The following AP4S1 variants were observed in gnomAD, a reference collection of about 807,000 sequenced individuals.
The protein encoded by AP4S1 is AP-4 complex subunit sigma-1.
Under a neutral mutation model 19.8 loss-of-function variants are expected in AP4S1, and 23 were observed. That is an observed-to-expected ratio of 1.16 (90% CI 0.84 to 1.65). AP4S1 has a LOEUF of 1.65. Ranked by LOEUF, AP4S1 falls within the 40% of genes most tolerant of loss-of-function variation. AP4S1 has a pLI of 0.00. For missense variants in AP4S1, 166 were observed against 172.8 expected (o/e 0.96, Z 0.22); for synonymous variants, 46 against 54.1 (o/e 0.85, Z 0.66).
rs114267319 is a variant in AP4S1 at position 31,090,632 on chromosome 14, A to G, written c.307-2275A>G. Among the ~76,000 whole-genome samples the G allele has an allele frequency of 7.2e-5, 11 of 152,300 alleles. No homozygotes were observed. In the South Asian group the frequency reaches 2.1e-3, roughly 29 times the overall value. On this transcript the variant is annotated intron_variant, in intron 5 of 5. Coordinates refer to ENST00000542754, the MANE Select transcript of AP4S1 (RefSeq NM_001128126.3). ...CCCTTCTTACTTCCTCCTATTTCAA[A>G]TGTCACCATTGCAGTGTGTTTATTC...
intron 1 of AP4S1, among the ~76,000 whole-genome samples, chr14:31,059,985 GTATATATATTTATATGTATTTATGTA>G (rs1886336299): frequency 1.4e-5 from 1 of 70,862 alleles, no homozygotes; most frequent in Non-Finnish European, 3.1e-5. Flanking sequence ...ATGTATATAT[GTATATATATTTATATGTATTTATGTA>G]TATATGTATA....
chr14:31,055,967 C>T (rs1475259755), intron 1 of AP4S1, among the ~76,000 whole-genome samples: 1 of 151,572 alleles, frequency 6.6e-6, no homozygotes, highest in Admixed American at 6.6e-5. Flanking sequence ...CCTCAACCTC[C>T]CAAGTAGCTG....
intron 1 of AP4S1, among the ~76,000 whole-genome samples, chr14:31,049,288 C>T (rs1885600472): frequency 6.7e-6 from 1 of 150,204 alleles, no homozygotes; most frequent in Non-Finnish European, 1.5e-5. Context: ...GTGGCGGGTG[C>T]CTGTAGCCCC....
chr14:31,076,429 T>C (rs1448130744), intron 4 of AP4S1, among the ~76,000 whole-genome samples: 1 of 152,242 alleles, frequency 6.6e-6, no homozygotes, highest in Non-Finnish European at 1.5e-5. Flanking sequence ...TTGAGCATCT[T>C]TTCATATGTT....
chr14:31,061,035 G>T (rs879945617), intron 1 of AP4S1, among the ~76,000 whole-genome samples: 85 of 152,182 alleles, frequency 5.6e-4, no homozygotes, highest in African/African-American at 1.9e-3. Context: ...GACTACAGGT[G>T]CATGCCACCA....
At chr14:31,043,970 CAT>C (rs1218739686) in intron 1 of AP4S1, among the ~76,000 whole-genome samples, 5 of 152,212 alleles carry the variant, frequency 3.3e-5, no homozygotes, top group African/African-American at 9.6e-5. Flanking sequence ...ATTTTAAAGA[CAT>C]ATGGCATTTA....
chr14:31,085,212 TC>T, intron 5 of AP4S1: 1 of 1,078,410 alleles, frequency 9.3e-7, no homozygotes, highest in Non-Finnish European at 1.1e-6. Flanking sequence ...TCCTCTGACT[TC>T]CTGGGCCCCT....
intron 2 of AP4S1, among the ~76,000 whole-genome samples, chr14:31,069,531 A>G (rs1886888518): frequency 6.6e-6 from 1 of 152,240 alleles, no homozygotes; most frequent in South Asian, 2.1e-4. Context: ...GAGGCACTTT[A>G]AAATGCTGAT....
intron 1 of AP4S1, among the ~76,000 whole-genome samples, chr14:31,059,985 GTATA>G (rs933324459): frequency 1.4e-5 from 1 of 70,862 alleles, no homozygotes; most frequent in African/African-American, 6.1e-5. Context: ...ATGTATATAT[GTATA>G]TATATTTATA....
At chr14:31,083,629 C>G in intron 5 of AP4S1, 1 of 447,130 alleles carries the variant, frequency 2.2e-6, no homozygotes, top group South Asian at 1.6e-5. Context: ...CTCAGCCTCC[C>G]AAGTAGCTGG....
intron 5 of AP4S1, among the ~76,000 whole-genome samples, chr14:31,087,383 G>A (rs1887949141): frequency 6.6e-6 from 1 of 152,088 alleles, no homozygotes; most frequent in African/African-American, 2.4e-5. Context: ...CTGAGACGGA[G>A]CTTTGCTCTG....
rs562107578 is a variant in AP4S1, at chr14:31,093,076, C to T, written c.*41C>T. On this transcript the variant is annotated 3_prime_UTR_variant, in exon 6 of 6. Coordinates refer to ENST00000542754, the MANE Select transcript of AP4S1 (RefSeq NM_001128126.3). ...AGACAATATGGATTTATCAGAAATG[C>T]GAGTACCGTGGAATACATCTCAACA... 4.6e-6 allele frequency: 7 copies of T among 1,536,632 alleles called. No individual in the cohort carries two copies. In the African/African-American group the frequency reaches 8.3e-5, roughly 18 times the overall value.
intron 1 of AP4S1, among the ~76,000 whole-genome samples, chr14:31,029,977 A>T (rs780281151): frequency 2.0e-5 from 3 of 151,072 alleles, no homozygotes; most frequent in Non-Finnish European, 2.9e-5. Context: ...TTTTTTCTTT[A>T]ATCTTTTTTT....
At chr14:31,035,831 T>G (rs370211519) in intron 1 of AP4S1, among the ~76,000 whole-genome samples, 9 of 139,592 alleles carry the variant, frequency 6.4e-5, no homozygotes, top group East Asian at 2.3e-4. Context: ...CTGGGTTCAC[T>G]CCATTCTCCT....
At chr14:31,039,235 G>A (rs1203477887) in intron 1 of AP4S1, among the ~76,000 whole-genome samples, 3 of 151,992 alleles carry the variant, frequency 2.0e-5, no homozygotes, top group African/African-American at 7.2e-5. Flanking sequence ...GCCTAGGCTG[G>A]AGTGCAGTAG....
At position 31,093,124 on chromosome 14, in the gene AP4S1, A is replaced by T; in HGVS notation, c.*89A>T. The T allele has an allele frequency of 7.4e-7, 1 of 1,343,274 alleles. No individual in the cohort carries two copies. Among genetic ancestry groups the T allele is most frequent in the African/African-American group, 1.5e-5 (1 of 66,080 alleles). The allele number at this position is 1,343,274 out of a possible 1,614,324, so 83.2% of individuals were successfully genotyped here. A position where few individuals can be genotyped will look rare whatever the true frequency, so the allele number is the denominator to read the frequency against. ...ACATGTTAACCCAGAAGAATCTGGAAGACCACAATTACAAAATGGGGTATC... is the reference window on the plus strand; with the variant it reads ...ACATGTTAACCCAGAAGAATCTGGATGACCACAATTACAAAATGGGGTATC... On this transcript the variant is annotated 3_prime_UTR_variant, in exon 6 of 6. Coordinates refer to ENST00000542754, the MANE Select transcript of AP4S1 (RefSeq NM_001128126.3).
intron 1 of AP4S1, among the ~76,000 whole-genome samples, chr14:31,065,817 C>T (rs905579586): frequency 6.6e-5 from 10 of 152,198 alleles, no homozygotes; most frequent in African/African-American, 1.4e-4. Context: ...CCCGCCACCA[C>T]GCCCAGCTAA....
In AP4S1 at chr14:31,094,898, C is replaced by T. The variant is rs1888162837; in HGVS notation, c.*1863C>T. 1 of 152,290 alleles carries T rather than the reference C, an allele frequency of 6.6e-6. No individual in the cohort carries two copies. Among genetic ancestry groups the T allele is most frequent in the Non-Finnish European group, 1.5e-5 (1 of 68,142 alleles). The allele number at this position is 152,290 out of a possible 1,614,324, so 9.4% of individuals were successfully genotyped here. On this transcript the variant is annotated 3_prime_UTR_variant, in exon 6 of 6. Coordinates refer to ENST00000542754, the MANE Select transcript of AP4S1 (RefSeq NM_001128126.3). ...AGGCATGGTGGCAAGCACCTCTAAT[C>T]TCAGCTACTCAGGAGGCTGAGGCAG...
intron 1 of AP4S1, among the ~76,000 whole-genome samples, chr14:31,033,500 C>T (rs938030206): frequency 3.3e-5 from 5 of 152,186 alleles, no homozygotes; most frequent in Middle Eastern, 3.4e-3. Flanking sequence ...GCGTGAGCCA[C>T]TCCGCCCGCC....
Sources: allele counts gnomAD v4.1 joint callset (sites outside exome capture counted in the v4.1 genomes callset), GRCh38; gene constraint gnomAD v4.1.1; transcripts MANE v1.5; gene names NCBI Gene and HGNC (gene_info 2026-07-23, HGNC 2026-07-21).